The following ABTB2 variants were observed in gnomAD, a reference collection of about 807,000 sequenced individuals.
ABTB2 encodes the protein ankyrin repeat and BTB/POZ domain-containing protein 2.
A neutral mutation model predicts 104.1 loss-of-function variants in ABTB2; 56 were observed. The observed-to-expected ratio is 0.54, with a 90% CI of 0.43 to 0.67. The LOEUF is 0.67. Ranked by LOEUF, ABTB2 falls within the 30% of genes least tolerant of loss-of-function variation. ABTB2 has a pLI of 0.00. For synonymous variants in ABTB2, 606 were observed against 608.2 expected (o/e 1.00, Z 0.05); for missense variants, 1,279 against 1,407.7 (o/e 0.91, Z 1.46).
intron 3 of ABTB2, among the ~76,000 whole-genome samples, chr11:34,191,332 C>T (rs948022737): frequency 1.3e-5 from 2 of 152,306 alleles, no homozygotes; most frequent in Admixed American, 6.5e-5. Flanking sequence ...AGCACTGACA[C>T]GTTCGCTGGC....
chr11:34,274,329 A>G (rs1413819551), intron 1 of ABTB2, among the ~76,000 whole-genome samples: 1 of 152,098 alleles, frequency 6.6e-6, no homozygotes, highest in Non-Finnish European at 1.5e-5. Context: ...ACAGAAGCCA[A>G]GGTCACAGCT....
At chr11:34,308,868 C>CAAAAAAAAAAAAAAAAAAAAAAA (rs57658114) in intron 1 of ABTB2, among the ~76,000 whole-genome samples, 16 of 77,776 alleles carry the variant, frequency 2.1e-4, no homozygotes, top group Non-Finnish European at 2.8e-4. Context: ...GAAACTGTCT[C>CAAAAAAAAAAAAAAAAAAAAAAA]AAAAAAAAAA....
chr11:34,279,057 T>G (rs1854419277), intron 1 of ABTB2, among the ~76,000 whole-genome samples: 1 of 152,200 alleles, frequency 6.6e-6, no homozygotes, highest in African/African-American at 2.4e-5. Context: ...GGTGTTTCGT[T>G]TTCTTGCTAG....
intron 2 of ABTB2, among the ~76,000 whole-genome samples, chr11:34,203,541 G>A (rs955119233): frequency 6.6e-6 from 1 of 152,058 alleles, no homozygotes; most frequent in African/African-American, 2.4e-5. Context: ...AGGGGACAGG[G>A]GACCCAGGCA....
chr11:34,281,418 G>T (rs1312881045), intron 1 of ABTB2, among the ~76,000 whole-genome samples: 2 of 152,162 alleles, frequency 1.3e-5, no homozygotes, highest in Non-Finnish European at 2.9e-5. Context: ...TCCAGGGTGT[G>T]GCTCAATACA....
Position 34,172,712 on chromosome 11 carries a change from T to C in ABTB2, c.1397+443A>G, listed in dbSNP as rs1416970164. The stretch of plus-strand genomic sequence containing the variant: ...TTCTTCATCTGTAAGATGGGCATGA[T>C]TGCCTCTTCCCTGCACTTGTCATGA... On this transcript the variant is annotated intron_variant, in intron 4 of 16. Coordinates refer to ENST00000435224, the MANE Select transcript of ABTB2 (RefSeq NM_145804.3). Among the ~76,000 whole-genome samples, 6 of 152,186 alleles carry C rather than the reference T, an allele frequency of 3.9e-5. No homozygotes were observed. In the East Asian group the frequency reaches 9.6e-4, roughly 24 times the overall value.
At chr11:34,224,025 C>T (rs950922541) in intron 1 of ABTB2, among the ~76,000 whole-genome samples, 11 of 152,042 alleles carry the variant, frequency 7.2e-5, no homozygotes, top group African/African-American at 2.7e-4. Context: ...GAGGATCATG[C>T]CCCTCTTTCT....
intron 1 of ABTB2, among the ~76,000 whole-genome samples, chr11:34,284,118 C>T (rs948535191): frequency 2.2e-4 from 33 of 152,184 alleles, no homozygotes; most frequent in African/African-American, 5.3e-4. Context: ...CAGGTAATGC[C>T]GATGCTGCTG....
Position 34,151,406 on chromosome 11 carries a change from TCAATGC to T in ABTB2, c.*975_*980del, listed in dbSNP as rs1159643154. ...CTCTTCTCCTGGCCCTTACCTTCCA[TCAATGC>T]CCTGTCCTTTAATCTCCAAGAGTCA... is the stretch of plus-strand genomic sequence containing the variant. On this transcript the variant is annotated 3_prime_UTR_variant, in exon 17 of 17. Transcript: ENST00000435224. 2.6e-5 allele frequency: 4 copies of T among 152,216 alleles called. No individual in the cohort carries two copies. Among genetic ancestry groups the T allele is most frequent in the Non-Finnish European group, 5.9e-5 (4 of 68,054 alleles). 9.4% of individuals were successfully genotyped at this position (152,216 alleles called of 1,614,324 possible).
chr11:34,165,120 G>T, intron 8 of ABTB2, 140 bp downstream of exon 8: 1 of 827,320 alleles, frequency 1.2e-6, no homozygotes, highest in Non-Finnish European at 1.8e-6. Context: ...GCCCCCAGTG[G>T]TCCAGAGAAG....
chr11:34,196,292 G>A (rs991194214), intron 3 of ABTB2, among the ~76,000 whole-genome samples: 1 of 152,210 alleles, frequency 6.6e-6, no homozygotes, highest in Non-Finnish European at 1.5e-5. Context: ...GGTGGCTCAC[G>A]CCTGTAATCC....
rs141406096 is a variant in ABTB2, at chr11:34,300,545, C to T, written c.883+56156G>A. Among the ~76,000 whole-genome samples the T allele has an allele frequency of 1.0e-3, 159 of 152,318 alleles. 1 individual carries two copies. The highest frequency in any genetic ancestry group is 3.4e-3 in the African/African-American group (141 of 41,574). On this transcript the variant is annotated intron_variant, in intron 1 of 16. Coordinates refer to ENST00000435224, the MANE Select transcript of ABTB2 (RefSeq NM_145804.3). ...TGTTATTAATTTGTTTGACGATCTA[C>T]AGCATGGCAAGAGCTAAAATAGTTA...
At chr11:34,350,109 A>G (rs918387260) in intron 1 of ABTB2, among the ~76,000 whole-genome samples, 1 of 152,156 alleles carries the variant, frequency 6.6e-6, no homozygotes, top group African/African-American at 2.4e-5. Context: ...AGGCAAATCA[A>G]TCTGGGACTC....
At chr11:34,313,849 A>G (rs373199882) in intron 1 of ABTB2, among the ~76,000 whole-genome samples, 16 of 152,334 alleles carry the variant, frequency 1.1e-4, no homozygotes, top group African/African-American at 3.4e-4. Context: ...TACCACCCTT[A>G]TAATCATAGA....
At chr11:34,327,269 A>G (rs1855080296) in intron 1 of ABTB2, among the ~76,000 whole-genome samples, 2 of 152,252 alleles carry the variant, frequency 1.3e-5, no homozygotes, top group Non-Finnish European at 2.9e-5. Flanking sequence ...ATATCAGATA[A>G]AGTAGACTTC....
chr11:34,195,078 GGGGGGGGAGT>G (rs1042361557), intron 3 of ABTB2, among the ~76,000 whole-genome samples: 5 of 99,492 alleles, frequency 5.0e-5, no homozygotes, highest in African/African-American at 1.7e-4. Flanking sequence ...TGCCCGGCGG[GGGGGGGGAGT>G]GGGGGCGGGA....
chr11:34,297,595 T>C (rs1002476543), intron 1 of ABTB2, among the ~76,000 whole-genome samples: 3 of 151,802 alleles, frequency 2.0e-5, no homozygotes, highest in Non-Finnish European at 2.9e-5. Flanking sequence ...AGTTTGACCC[T>C]GTCTCTACTA....
chr11:34,300,276 A>C (rs1009539836), intron 1 of ABTB2, among the ~76,000 whole-genome samples: 2 of 152,214 alleles, frequency 1.3e-5, no homozygotes, highest in African/African-American at 2.4e-5. Flanking sequence ...GACGTACTGA[A>C]GGCCTTTCAA....
chr11:34,225,343 C>T (rs1853672210), intron 1 of ABTB2, among the ~76,000 whole-genome samples: 1 of 152,202 alleles, frequency 6.6e-6, no homozygotes, highest in African/African-American at 2.4e-5. Flanking sequence ...TGCTGCAAGA[C>T]CCCGCCACTG....
Sources: gnomAD v4.1 joint callset for allele counts (sites outside exome capture counted in the v4.1 genomes callset) on GRCh38, gnomAD v4.1.1 for gene constraint, MANE v1.5 for transcripts, NCBI Gene and HGNC (gene_info 2026-07-23, HGNC 2026-07-21) for gene names.